The following RASEF variants were observed in gnomAD, a reference collection of about 807,000 sequenced individuals.
RASEF encodes RAS and EF-hand domain containing, also known as ras and EF-hand domain-containing protein.
RASEF carries 68 observed loss-of-function variants against 90.1 expected under a neutral mutation model. That is an observed-to-expected ratio of 0.75 (90% CI 0.62 to 0.92). The LOEUF is 0.92. Ranked by LOEUF, RASEF falls within the 40% of genes least tolerant of loss-of-function variation. The pLI is 0.00. For missense variants in RASEF, 949 were observed against 937.2 expected, an observed-to-expected ratio of 1.01 and a Z score of -0.16; for synonymous variants, 331 against 345.2, an observed-to-expected ratio of 0.96 and a Z score of 0.46.
At chr9:83,113,985 A>G in the RASEF span, among the ~76,000 whole-genome samples, 1 of 152,098 alleles carries the variant, frequency 6.6e-6, no homozygotes, top group Non-Finnish European at 1.5e-5. Flanking sequence ...CAGGGTCATC[A>G]TCACAGTCCT....
Position 83,062,811 on chromosome 9 carries a change from G to A in RASEF, c.57C>T (p.Ala19=), listed in dbSNP as rs965625984. The A allele has an allele frequency of 1.3e-6, 2 of 1,557,680 alleles. No individual in the cohort carries two copies. The highest frequency in any genetic ancestry group is 3.6e-5 in the Admixed American group (2 of 55,822). ...ELARLRSVFA[A]CDANRSGRLE... is the part of the protein sequence containing the mutation. ...GGCGCCCCGAGCGGTTCGCGTCGCA[G>A]GCGGCGAAGACTGAGCGCAGCCGGG... The change falls in exon 1 of 17, where the codon GCC becomes GCT. Residue 19 remains alanine, a synonymous_variant. Transcript: ENST00000376447.
chr9:83,201,351 A>G, the RASEF span: 1 of 152,240 alleles, frequency 6.6e-6, no homozygotes, highest in Non-Finnish European at 1.5e-5. Flanking sequence ...GCATATTCCT[A>G]TCATCATGTT....
the RASEF span, among the ~76,000 whole-genome samples, chr9:83,156,715 G>T: frequency 1.3e-5 from 2 of 152,264 alleles, no homozygotes; most frequent in African/African-American, 4.8e-5. Flanking sequence ...GAACAATTCT[G>T]GGTTGTGCCT....
At chr9:83,121,813 C>T in the RASEF span, among the ~76,000 whole-genome samples, 1 of 132,818 alleles carries the variant, frequency 7.5e-6, no homozygotes, top group Non-Finnish European at 1.6e-5. Context: ...CTGCAGGAAA[C>T]AGAACTAATG....
At chr9:83,067,499 T>C (rs374833291), upstream of RASEF, among the ~76,000 whole-genome samples, 2 of 152,218 alleles carry the variant, frequency 1.3e-5, no homozygotes, top group South Asian at 4.1e-4. Flanking sequence ...CCTATTTGCC[T>C]CAGATCTATT....
chr9:83,214,849 G>T, the RASEF span, among the ~76,000 whole-genome samples: 3 of 151,742 alleles, frequency 2.0e-5, no homozygotes, highest in African/African-American at 4.8e-5. Flanking sequence ...GGTAGAAAAG[G>T]GTGGTTCCCT....
At chr9:83,062,169 T>C (rs11139910) in intron 1 of RASEF, among the ~76,000 whole-genome samples, 2 of 152,156 alleles carry the variant, frequency 1.3e-5, no homozygotes, top group Admixed American at 6.5e-5. Context: ...AGCTGCAGAT[T>C]TCAGGAGAGC....
At chr9:83,011,090 CAT>C (rs1418484951) in intron 5 of RASEF, among the ~76,000 whole-genome samples, 3 of 152,152 alleles carry the variant, frequency 2.0e-5, no homozygotes, top group African/African-American at 7.2e-5. Flanking sequence ...TTCTCTCTCA[CAT>C]GTTCTTTCTG....
At chr9:83,164,238 G>A in the RASEF span, among the ~76,000 whole-genome samples, 1 of 149,976 alleles carries the variant, frequency 6.7e-6, no homozygotes, top group Non-Finnish European at 1.5e-5. Flanking sequence ...AAAAAATGAA[G>A]ATAAAATAAA....
At chr9:83,123,855 C>A in the RASEF span, among the ~76,000 whole-genome samples, 1 of 152,194 alleles carries the variant, frequency 6.6e-6, no homozygotes, top group African/African-American at 2.4e-5. Context: ...GTGTACAGTT[C>A]GGTGGCATTA....
the RASEF span, among the ~76,000 whole-genome samples, chr9:83,131,609 A>T: frequency 6.6e-6 from 1 of 152,302 alleles, no homozygotes; most frequent in South Asian, 2.1e-4. Context: ...TTCCAGGGCC[A>T]TTCTGGATTG....
rs199783265 is a variant in RASEF at position 83,062,613 on chromosome 9, A to C, written c.255T>G (p.Pro85=). The C allele has an allele frequency of 2.6e-3, 4,017 of 1,561,360 alleles. 69 individuals are homozygous for C. In the African/African-American group the frequency reaches 0.048, roughly 19 times the overall value. ...LRGGRRRDWG[P]LDPAPAVSEA... The stretch of plus-strand genomic sequence containing the variant: ...CAGACACGGCGGGCGCGGGATCCAG[A>C]GGACCCCAGTCCCGGCGCCGCCCCC... Residue 85 remains proline (P), a synonymous_variant, in exon 1 of 17, where the codon CCT becomes CCG. Transcript: ENST00000376447.
chr9:82,992,849 C>T, intron 15 of RASEF, 57 bp downstream of exon 15: 2 of 1,578,740 alleles, frequency 1.3e-6, no homozygotes, highest in Non-Finnish European at 8.6e-7. Flanking sequence ...AGGCCACCGA[C>T]TTCAAAGCCA....
intron 1 of RASEF, among the ~76,000 whole-genome samples, chr9:83,049,787 C>T (rs1367096489): frequency 5.1e-5 from 5 of 97,656 alleles, no homozygotes; most frequent in Non-Finnish European, 9.2e-5. Flanking sequence ...TGAGAATATG[C>T]GGTGTTTGGT....
chr9:82,983,519 C>G (rs1170155315), intron 16 of RASEF, among the ~76,000 whole-genome samples: 1 of 152,146 alleles, frequency 6.6e-6, no homozygotes, highest in East Asian at 1.9e-4. Context: ...TCACCTTAGA[C>G]AAGCTGAACG....
chr9:83,017,483 G>C (rs1405812609), intron 3 of RASEF, among the ~76,000 whole-genome samples: 1 of 148,026 alleles, frequency 6.8e-6, no homozygotes, highest in South Asian at 2.2e-4. Flanking sequence ...CTGGGCGACA[G>C]AGCGAGACTC....
intron 12 of RASEF, 110 bp from the exon 13 acceptor site, chr9:82,998,556 G>A: frequency 1.4e-6 from 1 of 711,012 alleles, no homozygotes. Context: ...GCTCAGCCAG[G>A]GAGGGAGGAA....
chr9:83,144,364 A>G, the RASEF span, among the ~76,000 whole-genome samples: 5 of 107,352 alleles, frequency 4.7e-5, no homozygotes, highest in African/African-American at 2.1e-4. Flanking sequence ...AGAAAGAAAG[A>G]AAGAAAGAAA....
At chr9:83,000,748 C>A in intron 10 of RASEF, 148 bp downstream of exon 10, 1 of 901,182 alleles carries the variant, frequency 1.1e-6, no homozygotes, top group Non-Finnish European at 1.7e-6. Flanking sequence ...GAATTTCTCC[C>A]TAACTCTGTG....
Sources: gnomAD v4.1 joint callset for allele counts (sites outside exome capture counted in the v4.1 genomes callset) on GRCh38, gnomAD v4.1.1 for gene constraint, MANE v1.5 for transcripts, NCBI Gene and HGNC (gene_info 2026-07-23, HGNC 2026-07-21) for gene names.